CDK14: variants seen among roughly 807,000 people sequenced by gnomAD.
CDK14 encodes the protein cyclin-dependent kinase 14.
A neutral mutation model predicts 60.7 loss-of-function variants in CDK14; 34 were observed. The ratio of observed to expected loss-of-function variants is 0.56; its 90% CI spans 0.43 to 0.75. The LOEUF is 0.75. Ranked by LOEUF, CDK14 falls within the 30% of genes least tolerant of loss-of-function variation. The probability of loss-of-function intolerance (pLI) is 0.00; values close to 1 mark genes in which losing one functional copy is unlikely to be tolerated. For missense variants in CDK14, 482 were observed against 564.1 expected (o/e 0.85, Z 1.47); for synonymous variants, 197 against 203.7 (o/e 0.97, Z 0.28).
At chr7:90,622,215 T>C (rs1799785335) in intron 2 of CDK14, among the ~76,000 whole-genome samples, 2 of 152,230 alleles carry the variant, frequency 1.3e-5, no homozygotes, top group Admixed American at 1.3e-4. Context: ...TCTTAGCTAA[T>C]TAAAAAGTAC....
At chr7:91,154,061 A>T (rs1277770989) in intron 14 of CDK14, among the ~76,000 whole-genome samples, 5 of 152,112 alleles carry the variant, frequency 3.3e-5, no homozygotes, top group Non-Finnish European at 7.4e-5. Flanking sequence ...CATGAAAATA[A>T]ATCTCTTAAA....
intron 10 of CDK14, among the ~76,000 whole-genome samples, chr7:91,022,713 C>G (rs1431544327): frequency 6.6e-6 from 1 of 152,102 alleles, no homozygotes; most frequent in Non-Finnish European, 1.5e-5. Flanking sequence ...ATACATGCAG[C>G]TGTGTATTAC....
At chr7:90,995,080 G>A (rs1295854475) in intron 10 of CDK14, among the ~76,000 whole-genome samples, 2 of 152,180 alleles carry the variant, frequency 1.3e-5, no homozygotes, top group African/African-American at 4.8e-5. Flanking sequence ...CCCCTTGAGC[G>A]TGGGCTGGAC....
intron 4 of CDK14, among the ~76,000 whole-genome samples, chr7:90,783,462 A>C (rs1054239157): frequency 6.6e-6 from 1 of 152,184 alleles, no homozygotes; most frequent in African/African-American, 2.4e-5. Flanking sequence ...CAAACAATCA[A>C]CAAAGTGAAG....
At chr7:90,733,266 A>G (rs1261686472) in intron 3 of CDK14, among the ~76,000 whole-genome samples, 1 of 151,992 alleles carries the variant, frequency 6.6e-6, no homozygotes, top group African/African-American at 2.4e-5. Context: ...TTATGTGGTC[A>G]ATTTTAGTGT....
chr7:90,861,904 A>C (rs1791021964), intron 5 of CDK14, among the ~76,000 whole-genome samples: 1 of 152,054 alleles, frequency 6.6e-6, no homozygotes, highest in Non-Finnish European at 1.5e-5. Flanking sequence ...GGTTGCAAAA[A>C]CTCTTGCAAT....
chr7:90,651,777 T>C (rs1584770386), intron 2 of CDK14, among the ~76,000 whole-genome samples: 3 of 152,148 alleles, frequency 2.0e-5, no homozygotes, highest in Non-Finnish European at 2.9e-5. Flanking sequence ...CTCGTAGCCA[T>C]TGACTTCATG....
At chr7:91,096,143 C>A (rs544831355) in intron 12 of CDK14, among the ~76,000 whole-genome samples, 4 of 150,932 alleles carry the variant, frequency 2.7e-5, no homozygotes, top group South Asian at 2.1e-4. Flanking sequence ...TGGCTCCCAG[C>A]GATCCCACCT....
chr7:90,881,544 C>G (rs1791753568), intron 6 of CDK14, among the ~76,000 whole-genome samples: 1 of 152,114 alleles, frequency 6.6e-6, no homozygotes, highest in Admixed American at 6.6e-5. Flanking sequence ...CTTCCCCAAC[C>G]TAGCAAGACA....
chr7:90,734,752 A>G (rs6970065), intron 3 of CDK14, among the ~76,000 whole-genome samples: 50,578 of 151,876 alleles, frequency 0.33, 8,780 homozygotes, highest in Middle Eastern at 0.42. Flanking sequence ...CATTGGGTTA[A>G]AACACGCTCC....
At chr7:90,984,408 A>G (rs905887706) in intron 10 of CDK14, among the ~76,000 whole-genome samples, 167 bp downstream of exon 10, 6 of 152,226 alleles carry the variant, frequency 3.9e-5, no homozygotes, top group African/African-American at 1.4e-4. Context: ...GTTAAGAATT[A>G]TGTTTTTATA....
intron 14 of CDK14, among the ~76,000 whole-genome samples, chr7:91,139,950 A>G (rs1800405821): frequency 6.6e-6 from 1 of 151,706 alleles, no homozygotes; most frequent in Non-Finnish European, 1.5e-5. Context: ...ATCCCATTGA[A>G]AAAAACTCTG....
At chr7:91,102,940 G>A (rs893220296) in intron 12 of CDK14, among the ~76,000 whole-genome samples, 4 of 152,254 alleles carry the variant, frequency 2.6e-5, no homozygotes, top group Admixed American at 2.6e-4. Flanking sequence ...CAGATGTTGT[G>A]TCTCCACATT....
intron 5 of CDK14, among the ~76,000 whole-genome samples, chr7:90,861,281 G>A (rs1482006617): frequency 6.6e-6 from 1 of 152,110 alleles, no homozygotes; most frequent in Non-Finnish European, 1.5e-5. Flanking sequence ...TTCTGATCTT[G>A]AATCTTCCCA....
At chr7:90,951,620 C>T (rs570126357) in intron 8 of CDK14, among the ~76,000 whole-genome samples, 1 of 151,954 alleles carries the variant, frequency 6.6e-6, no homozygotes, top group Admixed American at 6.6e-5. Context: ...CCAATTTTAC[C>T]ACCTACAAAA....
At chr7:90,698,878 C>G (rs1022455481) in intron 2 of CDK14, among the ~76,000 whole-genome samples, 1 of 152,162 alleles carries the variant, frequency 6.6e-6, no homozygotes, top group Non-Finnish European at 1.5e-5. Context: ...TCAGTTCTCT[C>G]TCGACTCTTA....
intron 2 of CDK14, among the ~76,000 whole-genome samples, chr7:90,614,380 C>G (rs780188001): frequency 6.6e-6 from 1 of 152,144 alleles, no homozygotes; most frequent in Non-Finnish European, 1.5e-5. Context: ...ATATTGGAAC[C>G]AGCAGTTTGC....
chr7:90,634,563 T>C (rs1336243663), intron 2 of CDK14, among the ~76,000 whole-genome samples: 5 of 152,076 alleles, frequency 3.3e-5, no homozygotes, highest in Admixed American at 1.3e-4. Context: ...TCCAAGTCTT[T>C]GCTATTGTGA....
chr7:91,142,586 C>T (rs1289643065), intron 14 of CDK14, among the ~76,000 whole-genome samples: 1 of 152,166 alleles, frequency 6.6e-6, no homozygotes, highest in Non-Finnish European at 1.5e-5. Flanking sequence ...GCCTTCTTGG[C>T]CCTTATTGAG....
Sources: allele counts gnomAD v4.1 joint callset (sites outside exome capture counted in the v4.1 genomes callset), GRCh38; gene constraint gnomAD v4.1.1; transcripts MANE v1.5; gene names NCBI Gene and HGNC (gene_info 2026-07-23, HGNC 2026-07-21).